The following SULF2 variants were observed in gnomAD, a reference collection of about 807,000 sequenced individuals.
The protein encoded by SULF2 is extracellular sulfatase Sulf-2.
SULF2 carries 52 observed loss-of-function variants against 107.7 expected under a neutral mutation model. The observed-to-expected ratio is 0.48, with a 90% CI of 0.39 to 0.61. The LOEUF (loss-of-function observed/expected upper bound fraction) is 0.61. Ranked by LOEUF, SULF2 falls within the 20% of genes least tolerant of loss-of-function variation. The probability of loss-of-function intolerance (pLI) is 0.00; values close to 1 mark genes in which losing one functional copy is unlikely to be tolerated. For synonymous variants in SULF2, 460 were observed against 464.3 expected (o/e 0.99, Z 0.12); for missense variants, 993 against 1,177.3 (o/e 0.84, Z 2.29).
At chr20:47,761,633 G>T (rs981978339) in intron 1 of SULF2, among the ~76,000 whole-genome samples, 1 of 152,236 alleles carries the variant, frequency 6.6e-6, no homozygotes, top group African/African-American at 2.4e-5. Context: ...CTTTTGAAGT[G>T]AGATTAGCAG....
chr20:47,683,266 C>T (rs2087889937), intron 6 of SULF2, 97 bp from the exon 7 acceptor site: 2 of 1,258,128 alleles, frequency 1.6e-6, no homozygotes, highest in South Asian at 1.6e-5. Flanking sequence ...AGGCCCCGTC[C>T]CTCCCCTGCT....
At chr20:47,728,106 A>G (rs2089493900) in intron 3 of SULF2, among the ~76,000 whole-genome samples, 1 of 151,968 alleles carries the variant, frequency 6.6e-6, no homozygotes, top group South Asian at 2.1e-4. Context: ...CAGTGGATAC[A>G]CTCCACGGGG....
intron 2 of SULF2, among the ~76,000 whole-genome samples, chr20:47,745,382 GAAAAAAAAAAAAAAAAA>G (rs1158560282): frequency 0.091 from 4,754 of 52,016 alleles, 620 homozygotes; most frequent in African/African-American, 0.22. Flanking sequence ...AGTTTTGAGG[GAAAAAAAAAAAAAAAAA>G]AAAAAAAAAA....
At chr20:47,701,319 A>G (rs1403980939) in intron 4 of SULF2, among the ~76,000 whole-genome samples, 1 of 152,194 alleles carries the variant, frequency 6.6e-6, no homozygotes, top group Non-Finnish European at 1.5e-5. Flanking sequence ...GAAGTGCTCT[A>G]TGTCTTGATC....
At chr20:47,709,101 GC>G (rs2088839045) in intron 3 of SULF2, among the ~76,000 whole-genome samples, 1 of 152,142 alleles carries the variant, frequency 6.6e-6, no homozygotes, top group Admixed American at 6.5e-5. Context: ...ATTAGCATGG[GC>G]CCCGGGGCTC....
Position 47,694,673 on chromosome 20 carries a change from C to T in SULF2, c.568-4378G>A, listed in dbSNP as rs527503993. Among the ~76,000 whole-genome samples the T allele has an allele frequency of 5.3e-5, 8 of 152,292 alleles. No homozygotes were observed. The highest frequency in any genetic ancestry group is 2.1e-4 in the South Asian group (1 of 4,828). On this transcript the variant is annotated intron_variant, in intron 4 of 20. Transcript: ENST00000688720. This position sits in a 1 kb window ranked among gnomAD's most constrained non-coding sequence, Gnocchi z 4.4. ...TCCTGCAGGCATCCACAAGCTTCAC[C>T]GACTGAGTAGCTAGTGTCTGCGGAG...
At chr20:47,715,426 G>A (rs1383662149) in intron 3 of SULF2, among the ~76,000 whole-genome samples, 1 of 152,148 alleles carries the variant, frequency 6.6e-6, no homozygotes, top group African/African-American at 2.4e-5. Context: ...GCGGCTTTCT[G>A]AGTCCCTTGT....
At chr20:47,663,748 A>G (rs1602581470) in intron 15 of SULF2, 126 bp from the exon 16 acceptor site, 3 of 1,129,388 alleles carry the variant, frequency 2.7e-6, no homozygotes, top group Non-Finnish European at 3.7e-6. Context: ...GGGCATAGCA[A>G]TTCAGGGTCC....
At chr20:47,722,539 C>T (rs541025690) in intron 3 of SULF2, among the ~76,000 whole-genome samples, 11 of 151,952 alleles carry the variant, frequency 7.2e-5, no homozygotes, top group Non-Finnish European at 7.4e-5. Flanking sequence ...TGGGATTACA[C>T]GTGTGAGCCA....
intron 1 of SULF2, among the ~76,000 whole-genome samples, chr20:47,771,717 G>A (rs992198978): frequency 2.0e-5 from 3 of 152,102 alleles, no homozygotes; most frequent in African/African-American, 4.8e-5. Flanking sequence ...GGGCGGGGGC[G>A]GGGGCAGTGA....
intron 3 of SULF2, among the ~76,000 whole-genome samples, chr20:47,725,650 C>G (rs1195756805): frequency 6.6e-6 from 1 of 152,172 alleles, no homozygotes; most frequent in Non-Finnish European, 1.5e-5. Context: ...TGGGCCTGCC[C>G]GGTGTTTTCA....
At chr20:47,683,212 G>A in intron 6 of SULF2, 43 bp from the exon 7 acceptor site, 2 of 1,526,694 alleles carry the variant, frequency 1.3e-6, no homozygotes, top group Non-Finnish European at 1.8e-6. Flanking sequence ...GGGACTGGGT[G>A]CCTGGCCCGT....
At chr20:47,681,599 A>G (rs1230550986) in intron 7 of SULF2, among the ~76,000 whole-genome samples, 1 of 152,204 alleles carries the variant, frequency 6.6e-6, no homozygotes, top group Non-Finnish European at 1.5e-5. Flanking sequence ...AAACTCAGGC[A>G]ACTTAACCTC....
rs1342480404 is a variant in SULF2 at position 47,731,182 on chromosome 20, C to CTTTTT, written c.415+5520_415+5521insAAAAA. ...GACTCTGCCTGCTACTCACCTGTAT[C>CTTTTT]TTCTCTTTTTTTTTTTTTTTTTTTT... On this transcript the variant is annotated intron_variant, in intron 3 of 20. Transcript: ENST00000688720. Among the ~76,000 whole-genome samples, 149 of 99,560 alleles carry CTTTTT rather than the reference C, an allele frequency of 1.5e-3. 8 individuals are homozygous for CTTTTT. The highest frequency in any genetic ancestry group is 2.1e-3 in the Non-Finnish European group (112 of 54,024). The allele number at this position is 99,560 out of a possible 152,430, so 65.3% of individuals were successfully genotyped here.
chr20:47,659,920 A>G (rs943380603), intron 18 of SULF2, among the ~76,000 whole-genome samples, 190 bp from the exon 19 acceptor site: 8 of 152,198 alleles, frequency 5.3e-5, no homozygotes, highest in Non-Finnish European at 7.3e-5. Context: ...AGTCTCCTAG[A>G]TAGCCTTGTA....
chr20:47,684,202 T>G, intron 6 of SULF2: 1 of 454,738 alleles, frequency 2.2e-6, no homozygotes. Context: ...ATAACTAGCA[T>G]ATATGGTTAC....
At chr20:47,701,131 A>T (rs2088554962) in intron 4 of SULF2, among the ~76,000 whole-genome samples, 1 of 152,238 alleles carries the variant, frequency 6.6e-6, no homozygotes, top group East Asian at 1.9e-4. Context: ...AATAATACAG[A>T]TCTCACAGAC....
chr20:47,726,574 T>C (rs74540636), intron 3 of SULF2, among the ~76,000 whole-genome samples: 23,257 of 152,184 alleles, frequency 0.15, 1,964 homozygotes, highest in Non-Finnish European at 0.2. Flanking sequence ...CATTATCCAG[T>C]ACAGAACCCA....
At position 47,694,905 on chromosome 20, in the gene SULF2, T is replaced by C. The variant is rs748698754; in HGVS notation, c.568-4610A>G. On this transcript the variant is annotated intron_variant, in intron 4 of 20. Transcript: ENST00000688720. This position sits in a 1 kb window ranked among gnomAD's most constrained non-coding sequence, Gnocchi z 4.4. ...CAGCAACTTTGACAAGTGGACATTA[T>C]ACCCATTTTACAGATAAGGAAGTGA... is the stretch of plus-strand genomic sequence containing the variant. 1.3e-5 allele frequency among the ~76,000 whole-genome samples: 2 copies of C among 152,216 alleles called. No individual in the cohort carries two copies. Among genetic ancestry groups the C allele is most frequent in the Non-Finnish European group, 2.9e-5 (2 of 68,032 alleles).
Sources: gnomAD v4.1 joint callset for allele counts (sites outside exome capture counted in the v4.1 genomes callset) on GRCh38, gnomAD v4.1.1 for gene constraint, Gnocchi (gnomAD v3.1) non-coding constraint, MANE v1.5 for transcripts, NCBI Gene and HGNC (gene_info 2026-07-23, HGNC 2026-07-21) for gene names.